The following PTPN3 variants were observed in gnomAD, a reference collection of about 807,000 sequenced individuals.
PTPN3 encodes the protein tyrosine-protein phosphatase non-receptor type 3.
Under a neutral mutation model 132.7 loss-of-function variants are expected in PTPN3, and 96 were observed. The ratio of observed to expected loss-of-function variants is 0.72; its 90% CI spans 0.61 to 0.86. The LOEUF (loss-of-function observed/expected upper bound fraction) is 0.86. Among genes scored for constraint, PTPN3 ranks in the 40% least tolerant of loss-of-function variants. PTPN3 has a pLI of 0.00. For synonymous variants in PTPN3, 398 were observed against 429.0 expected (o/e 0.93, Z 0.89); for missense variants, 1,125 against 1,159.6 (o/e 0.97, Z 0.43).
chr9:109,457,478 G>A, intron 2 of PTPN3, 79 bp from the exon 3 acceptor site: 1 of 1,138,868 alleles, frequency 8.8e-7, no homozygotes, highest in Admixed American at 2.2e-5. Flanking sequence ...AGGCAAAAAA[G>A]AGTTAAAATA....
At chr9:109,475,363 C>G (rs1846606536) in intron 1 of PTPN3, among the ~76,000 whole-genome samples, 1 of 152,102 alleles carries the variant, frequency 6.6e-6, no homozygotes, top group Non-Finnish European at 1.5e-5. Context: ...AAATGAATAC[C>G]TCATTCTTGG....
intron 9 of PTPN3, among the ~76,000 whole-genome samples, chr9:109,433,405 T>C (rs1025355598): frequency 6.6e-6 from 1 of 152,158 alleles, no homozygotes; most frequent in African/African-American, 2.4e-5. Context: ...TCTAGAAAGT[T>C]ACCAAATAAG....
chr9:109,449,764 G>A (rs1411009690), intron 5 of PTPN3: 1 of 985,268 alleles, frequency 1.0e-6, no homozygotes, highest in Non-Finnish European at 1.2e-6. Flanking sequence ...ATATAGACAG[G>A]GCAGAAGTGC....
At chr9:109,533,939 A>C in the PTPN3 span, 1 of 751,320 alleles carries the variant, frequency 1.3e-6, no homozygotes, top group South Asian at 1.5e-5. Flanking sequence ...TTGAACTGGA[A>C]CACCACCAGG....
chr9:109,428,557 C>T, intron 11 of PTPN3, 64 bp downstream of exon 11: 1 of 1,542,004 alleles, frequency 6.5e-7, no homozygotes, highest in Non-Finnish European at 8.9e-7. Flanking sequence ...CATAGCGAGA[C>T]CCTGTCTCTA....
At chr9:109,472,499 T>C (rs1474811949) in intron 1 of PTPN3, among the ~76,000 whole-genome samples, 4 of 152,260 alleles carry the variant, frequency 2.6e-5, no homozygotes, top group Non-Finnish European at 5.9e-5. Flanking sequence ...GCCCAACTAA[T>C]TAAAAATTAG....
chr9:109,390,486 A>T (rs1839976423), intron 21 of PTPN3, among the ~76,000 whole-genome samples: 1 of 152,172 alleles, frequency 6.6e-6, no homozygotes, highest in Non-Finnish European at 1.5e-5. Context: ...GCATTAGGAG[A>T]TATACCTAAT....
Position 109,428,610 on chromosome 9 carries a change from T to C in PTPN3, c.828+11A>G. The C allele has an allele frequency of 3.1e-6, 5 of 1,612,370 alleles. No individual in the cohort carries two copies. In the East Asian group the frequency reaches 8.9e-5, roughly 29 times the overall value. On this transcript the variant is annotated intron_variant, in intron 11 of 25. Coordinates refer to ENST00000374541, the MANE Select transcript of PTPN3 (RefSeq NM_002829.4). The stretch of plus-strand genomic sequence containing the variant: ...GCACGAAACAAAGCAAGCAAAGACA[T>C]AACTACTCACCTGTTTCTGTCGCTG...
the PTPN3 span, among the ~76,000 whole-genome samples, chr9:109,508,281 G>A: frequency 5.9e-5 from 9 of 151,492 alleles, no homozygotes; most frequent in East Asian, 3.9e-4. Flanking sequence ...CTGCCTCAGC[G>A]TCCCAAGTAG....
At chr9:109,473,983 C>T (rs556354455) in intron 1 of PTPN3, among the ~76,000 whole-genome samples, 1 of 151,724 alleles carries the variant, frequency 6.6e-6, no homozygotes, top group African/African-American at 2.4e-5. Context: ...CCCCAAATTC[C>T]ACAGGTCTCA....
chr9:109,429,594 T>C (rs1843519518), intron 10 of PTPN3, among the ~76,000 whole-genome samples: 1 of 152,258 alleles, frequency 6.6e-6, no homozygotes, highest in Non-Finnish European at 1.5e-5. Context: ...GGGGATTCTT[T>C]TTAACCAAAC....
At chr9:109,464,900 A>G (rs1588471187) in intron 1 of PTPN3, among the ~76,000 whole-genome samples, 1 of 152,216 alleles carries the variant, frequency 6.6e-6, no homozygotes, top group East Asian at 1.9e-4. Context: ...AGAAGAAAGG[A>G]TAATGGTTAC....
the PTPN3 span, among the ~76,000 whole-genome samples, chr9:109,519,227 G>C: frequency 1.3e-5 from 2 of 152,174 alleles, no homozygotes; most frequent in African/African-American, 4.8e-5. Context: ...TACAACTTTC[G>C]ACTTTACAGT....
chr9:109,532,817 G>T, the PTPN3 span: 1 of 810,010 alleles, frequency 1.2e-6, no homozygotes, highest in South Asian at 4.5e-5. Context: ...TGATAGAGAT[G>T]ATAAGTCGGA....
rs1434003915 is a variant in PTPN3 at position 109,463,318 on chromosome 9, C to T, written c.117G>A (p.Val39=). 1.2e-6 allele frequency: 2 copies of T among 1,612,536 alleles called. No individual in the cohort carries two copies. Among genetic ancestry groups the T allele is most frequent in the Non-Finnish European group, 1.7e-6 (2 of 1,179,568 alleles). ...VICSIHFLDG[V]VQTFKVTKQD... ...TTACAGTAACTTTAAAGGTCTGTAC[C>T]ACGCCATCTAAAAAGTGGATGCTGC... Residue 39 remains valine, a synonymous_variant, in exon 2 of 26, where the codon GTG becomes GTA. Coordinates refer to ENST00000374541, the MANE Select transcript of PTPN3 (RefSeq NM_002829.4).
intron 12 of PTPN3, 120 bp downstream of exon 12, chr9:109,426,830 T>G: frequency 9.0e-7 from 1 of 1,116,334 alleles, no homozygotes. Flanking sequence ...AGAGATCCAA[T>G]GCCTGGAGCC....
intron 11 of PTPN3, among the ~76,000 whole-genome samples, chr9:109,428,105 T>C (rs1174739751): frequency 1.3e-5 from 2 of 152,244 alleles, no homozygotes; most frequent in African/African-American, 4.8e-5. Context: ...CTTGCTGACA[T>C]TCACTGTTAC....
chr9:109,432,128 T>A (rs967750593), intron 10 of PTPN3, among the ~76,000 whole-genome samples: 1 of 150,394 alleles, frequency 6.6e-6, no homozygotes, highest in African/African-American at 2.4e-5. Context: ...TATTATATAA[T>A]ACTCCATAGT....
intron 7 of PTPN3, among the ~76,000 whole-genome samples, chr9:109,444,537 A>T (rs78559255): frequency 6.6e-6 from 1 of 152,122 alleles, no homozygotes; most frequent in African/African-American, 2.4e-5. Context: ...GACTTAGTAT[A>T]AAAAAAATGT....
Sources: gnomAD v4.1 joint callset for allele counts (sites outside exome capture counted in the v4.1 genomes callset) on GRCh38, gnomAD v4.1.1 for gene constraint, MANE v1.5 for transcripts, NCBI Gene and HGNC (gene_info 2026-07-23, HGNC 2026-07-21) for gene names.